SNTB2: variants seen among roughly 807,000 people sequenced by gnomAD.
The protein encoded by SNTB2 is syntrophin beta 2, also known as beta-2-syntrophin.
SNTB2 carries 34 observed loss-of-function variants against 46.2 expected under a neutral mutation model. The observed-to-expected ratio is 0.74, with a 90% CI of 0.56 to 0.98. The LOEUF is 0.98. Among genes scored for constraint, SNTB2 ranks in the 50% least tolerant of loss-of-function variants. The probability of loss-of-function intolerance (pLI) is 0.00; values close to 1 mark genes in which losing one functional copy is unlikely to be tolerated. For missense variants in SNTB2, 603 were observed against 731.4 expected (o/e 0.82, Z 2.02); for synonymous variants, 290 against 312.6 (o/e 0.93, Z 0.76).
chr16:69,296,424 A>T (rs551941762), intron 5 of SNTB2, among the ~76,000 whole-genome samples: 16 of 151,412 alleles, frequency 1.1e-4, no homozygotes, highest in Admixed American at 2.6e-4. Flanking sequence ...AAAACAGAAC[A>T]TTTAAGAAAT....
chr16:69,200,509 T>TA (rs1261112198), intron 1 of SNTB2, among the ~76,000 whole-genome samples: 37 of 152,178 alleles, frequency 2.4e-4, no homozygotes, highest in South Asian at 8.3e-4. Context: ...ACATTCGTGA[T>TA]ACATCAAATT....
intron 5 of SNTB2, among the ~76,000 whole-genome samples, chr16:69,292,979 G>A (rs1200101443): frequency 6.6e-6 from 1 of 152,046 alleles, no homozygotes; most frequent in African/African-American, 2.4e-5. Flanking sequence ...AGGAAAACCG[G>A]GATTGGTGGG....
Position 69,245,636 on chromosome 16 carries a change from G to C in SNTB2, c.615G>C (p.Lys205Asn). ...TCCGAGAAGTAACACCATATATCAA[G>C]AAGCCATCATTAGTATCAGATCTGC... ...KFIREVTPYI[K>N]KPSLVSDLPW... The change falls in exon 2 of 7, where the codon AAG (lysine) becomes AAC (asparagine). Residue 205 changes from lysine to asparagine, a missense_variant. Transcript: ENST00000336278. The C allele has an allele frequency of 6.2e-7, 1 of 1,613,968 alleles. No individual in the cohort carries two copies. Among genetic ancestry groups the C allele is most frequent in the Non-Finnish European group, 8.5e-7 (1 of 1,179,962 alleles).
intron 2 of SNTB2, among the ~76,000 whole-genome samples, chr16:69,255,820 T>C (rs1001368299): frequency 6.9e-6 from 1 of 145,250 alleles, no homozygotes; most frequent in African/African-American, 2.6e-5. Flanking sequence ...GAGGTTGCAG[T>C]GAGCTGAGAC....
At chr16:69,292,362 ATATATATATATATATATTATATATATAT>A (rs869190092) in intron 5 of SNTB2, among the ~76,000 whole-genome samples, 7,353 of 44,084 alleles carry the variant, frequency 0.17, 1,048 homozygotes, top group Non-Finnish European at 0.2. Flanking sequence ...TTTTATATAT[ATATATATATATATATATTATATATATAT>A]TATATATATA....
intron 1 of SNTB2, among the ~76,000 whole-genome samples, chr16:69,208,877 T>C (rs893421068): frequency 3.3e-5 from 5 of 152,064 alleles, no homozygotes; most frequent in Middle Eastern, 3.4e-3. Flanking sequence ...ACCAGAAATA[T>C]ACATATTTCC....
chr16:69,272,746 G>A (rs1209787706), intron 4 of SNTB2, among the ~76,000 whole-genome samples: 1 of 151,672 alleles, frequency 6.6e-6, no homozygotes, highest in Non-Finnish European at 1.5e-5. Flanking sequence ...ATAAAAATTA[G>A]CCAGGCATGG....
chr16:69,212,878 C>A (rs1034474919), intron 1 of SNTB2, among the ~76,000 whole-genome samples: 1 of 152,066 alleles, frequency 6.6e-6, no homozygotes, highest in African/African-American at 2.4e-5. Context: ...GGTGATCTGC[C>A]CGCCTCGGCC....
rs1965325135 is a variant in SNTB2, at chr16:69,307,510, A to T, written c.*6586A>T. The stretch of plus-strand genomic sequence containing the variant: ...GTAGATAAATGAGAAAGTCTTTCTT[A>T]AAAAATGCTTCTTTAACTGTAACAG... On this transcript the variant is annotated 3_prime_UTR_variant, in exon 7 of 7. Transcript: ENST00000336278. 1 of 148,408 alleles carries T rather than the reference A, an allele frequency of 6.7e-6. No homozygotes were observed. The highest frequency in any genetic ancestry group is 2.4e-5 in the African/African-American group (1 of 40,894). The allele number at this position is 148,408 out of a possible 1,614,324, so 9.2% of individuals were successfully genotyped here.
intron 1 of SNTB2, among the ~76,000 whole-genome samples, chr16:69,193,318 CTTTTTTT>C (rs57663863): frequency 2.8e-5 from 2 of 70,194 alleles, no homozygotes; most frequent in East Asian, 3.6e-4. Context: ...ATGGTATAGA[CTTTTTTT>C]TTTTTTTTTT....
intron 3 of SNTB2, 35 bp from the exon 4 acceptor site, chr16:69,270,108 T>G (rs1243745914): frequency 6.2e-7 from 1 of 1,613,676 alleles, no homozygotes; most frequent in Non-Finnish European, 8.5e-7. Context: ...GTGATTATAG[T>G]TAGCCCTGAT....
At chr16:69,270,718 T>C (rs1224052285) in intron 4 of SNTB2, among the ~76,000 whole-genome samples, 1 of 152,232 alleles carries the variant, frequency 6.6e-6, no homozygotes, top group African/African-American at 2.4e-5. Context: ...TCAACTTCTC[T>C]TTCTAATGTA....
intron 1 of SNTB2, among the ~76,000 whole-genome samples, chr16:69,207,154 C>CTTTCT (rs771500331): frequency 0.099 from 12,504 of 126,316 alleles, 783 homozygotes; most frequent in African/African-American, 0.15. Flanking sequence ...TTCTTTCTTT[C>CTTTCT]TTTTTTTTTT....
At chr16:69,298,224 C>T (rs1965245814) in intron 5 of SNTB2, among the ~76,000 whole-genome samples, 1 of 152,162 alleles carries the variant, frequency 6.6e-6, no homozygotes, top group Non-Finnish European at 1.5e-5. Flanking sequence ...GGATTGTAAG[C>T]ATGACCCACC....
Position 69,300,847 on chromosome 16 carries a change from T to A in SNTB2, c.1546T>A (p.Ser516Thr), listed in dbSNP as rs1401937818. 1 of 1,613,628 alleles carries A rather than the reference T, an allele frequency of 6.2e-7. No individual in the cohort carries two copies. Among genetic ancestry groups the A allele is most frequent in the Non-Finnish European group, 8.5e-7 (1 of 1,179,598 alleles). The change falls in exon 7 of 7, where the codon TCT becomes ACT. Residue 516 changes from serine to threonine, a missense_variant. This residue lies in a region of SNTB2 where 537 missense variants were observed against 692.4 expected (regional missense o/e 0.78). Coordinates refer to ENST00000336278, the MANE Select transcript of SNTB2 (RefSeq NM_006750.4). ...TTCTCCACAGACCATGGACCTGCAC[T>A]CTTGTCCGAAGCCGATTGTATTTGT... ...PEGELTMDLH[S>T]CPKPIVFVLH...
intron 3 of SNTB2, among the ~76,000 whole-genome samples, chr16:69,261,421 T>G (rs986809278): frequency 6.6e-5 from 10 of 151,986 alleles, no homozygotes; most frequent in South Asian, 2.1e-4. Context: ...TGGTACCAAG[T>G]AATTGTGGTA....
chr16:69,266,847 G>T (rs1318062656), intron 3 of SNTB2, among the ~76,000 whole-genome samples: 1 of 151,912 alleles, frequency 6.6e-6, no homozygotes, highest in Non-Finnish European at 1.5e-5. Flanking sequence ...CTCCTGAGTC[G>T]CTGGGACTAC....
At position 69,297,002 on chromosome 16, in the gene SNTB2, C is replaced by CA. The variant is rs747322291; in HGVS notation, c.1346-2573dup. Among the ~76,000 whole-genome samples, 1,025 of 129,490 alleles carry CA rather than the reference C, an allele frequency of 7.9e-3. 8 individuals carry two copies. Among genetic ancestry groups the CA allele is most frequent in the African/African-American group, 0.023 (806 of 35,098 alleles). 85.0% of individuals were successfully genotyped at this position (129,490 alleles called of 152,430 possible). On this transcript the variant is annotated intron_variant, in intron 5 of 6. Coordinates refer to ENST00000336278, the MANE Select transcript of SNTB2 (RefSeq NM_006750.4). Reference sequence around the variant, plus strand: ...GCATGACAGAGTGAGACTCTTATCTCAAAAAAAAAAAAAAATCTCAGGCCA... The same window carrying CA: ...GCATGACAGAGTGAGACTCTTATCTCAAAAAAAAAAAAAAAATCTCAGGCCA...
chr16:69,190,634 G>C (rs1186161231), intron 1 of SNTB2, among the ~76,000 whole-genome samples: 2 of 152,182 alleles, frequency 1.3e-5, no homozygotes, highest in African/African-American at 4.8e-5. Context: ...TGCCCAGGTT[G>C]ATGAAGCTTA....
Sources: gnomAD v4.1 joint callset for allele counts (sites outside exome capture counted in the v4.1 genomes callset) on GRCh38, gnomAD v4.1.1 for gene constraint, gnomAD v4.1.1 regional missense constraint, MANE v1.5 for transcripts, NCBI Gene and HGNC (gene_info 2026-07-23, HGNC 2026-07-21) for gene names.